Variants in RHPN2 observed in about 807,000 individuals in gnomAD.
The protein encoded by RHPN2 is rhophilin-2.
A neutral mutation model predicts 79.0 loss-of-function variants in RHPN2; 40 were observed. The observed-to-expected ratio is 0.51, with a 90% CI of 0.39 to 0.66. The LOEUF (loss-of-function observed/expected upper bound fraction) is 0.66. Among genes scored for constraint, RHPN2 ranks in the 30% least tolerant of loss-of-function variants. The pLI, the probability that RHPN2 is intolerant of heterozygous loss-of-function variation, is 0.00. For missense variants in RHPN2, 686 were observed against 883.5 expected (o/e 0.78, Z 2.83); for synonymous variants, 285 against 363.5 (o/e 0.78, Z 2.46).
At chr19:33,064,579 G>A (rs1972310729) in intron 1 of RHPN2, among the ~76,000 whole-genome samples, 1 of 151,978 alleles carries the variant, frequency 6.6e-6, no homozygotes, top group African/African-American at 2.4e-5. Flanking sequence ...GCCCAGTCCC[G>A]GATGCCACCT....
chr19:33,031,817 G>A (rs530863505), intron 2 of RHPN2, among the ~76,000 whole-genome samples: 13 of 151,608 alleles, frequency 8.6e-5, no homozygotes, highest in African/African-American at 3.1e-4. Context: ...GAGTAGCTGG[G>A]ACAGTGATTC....
intron 2 of RHPN2, among the ~76,000 whole-genome samples, chr19:33,037,176 G>C (rs1370765539): frequency 1.3e-5 from 2 of 152,208 alleles, no homozygotes. Context: ...TCAGCACCCT[G>C]TGTCTAGCTC....
chr19:33,011,601 G>T (rs1971835712), intron 6 of RHPN2, 78 bp downstream of exon 6: 1 of 1,594,286 alleles, frequency 6.3e-7, no homozygotes, highest in African/African-American at 1.3e-5. Context: ...ACCCGCAGAG[G>T]GGCGTCTGTG....
intron 11 of RHPN2, among the ~76,000 whole-genome samples, chr19:32,994,279 C>T (rs899947081): frequency 2.0e-5 from 3 of 151,890 alleles, no homozygotes; most frequent in Admixed American, 6.6e-5. Context: ...GACTGTAATC[C>T]GAGTTACTTG....
intron 3 of RHPN2, among the ~76,000 whole-genome samples, chr19:33,025,385 G>A (rs997776152): frequency 4.0e-5 from 6 of 151,754 alleles, no homozygotes; most frequent in African/African-American, 1.5e-4. Flanking sequence ...AGGTGGCTGA[G>A]GCACAAGAAT....
intron 4 of RHPN2, among the ~76,000 whole-genome samples, chr19:33,016,608 G>T (rs949646229): frequency 6.6e-6 from 1 of 152,122 alleles, no homozygotes; most frequent in Non-Finnish European, 1.5e-5. Flanking sequence ...TTGAACCTGG[G>T]AGGCAGAGGT....
intron 10 of RHPN2, 113 bp from the exon 11 acceptor site, chr19:32,996,333 A>G (rs2146005607): frequency 9.1e-7 from 1 of 1,099,572 alleles, no homozygotes; most frequent in Middle Eastern, 2.5e-4. Context: ...ATCTGCCTGG[A>G]TAGCTAGAGC....
chr19:33,050,020 TG>T (rs1972174383), intron 1 of RHPN2, among the ~76,000 whole-genome samples: 1 of 152,180 alleles, frequency 6.6e-6, no homozygotes, highest in East Asian at 1.9e-4. Flanking sequence ...GATGGCCTGG[TG>T]GGGGGCAGGG....
chr19:33,012,722 A>T lies in RHPN2; in HGVS notation c.393T>A (p.Asp131Glu). The change falls in exon 5 of 15, where the codon GAT becomes GAA. Residue 131 changes from aspartate (D) to glutamate (E), a missense_variant and splice_region_variant. Physicochemically the swap from Asp to Glu is conservative, Grantham distance 45. Coordinates refer to ENST00000254260, the MANE Select transcript of RHPN2 (RefSeq NM_033103.5). ...CTTCACTGTAATGTTCCAGGATAAA[A>T]TCCTTAAAGAAAAATGAGGTCAGAT... ...KDVDFAVVLK[D>E]FILEHYSEDG... 2.5e-6 allele frequency: 4 copies of T among 1,573,516 alleles called. No homozygotes were observed. Among genetic ancestry groups the T allele is most frequent in the Non-Finnish European group, 3.5e-6 (4 of 1,143,038 alleles).
intron 2 of RHPN2, among the ~76,000 whole-genome samples, chr19:33,037,355 C>G (rs1028182916): frequency 6.6e-6 from 1 of 152,134 alleles, no homozygotes; most frequent in African/African-American, 2.4e-5. Context: ...CAAAACAGAC[C>G]ACTGGGCTCT....
chr19:33,063,111 C>A (rs918960687), intron 1 of RHPN2, among the ~76,000 whole-genome samples: 2 of 152,126 alleles, frequency 1.3e-5, no homozygotes, highest in Non-Finnish European at 2.9e-5. Flanking sequence ...GGCAGTCAGG[C>A]CCCGGGGCCC....
chr19:33,015,556 T>C (rs1423158786), intron 4 of RHPN2, among the ~76,000 whole-genome samples: 2 of 151,944 alleles, frequency 1.3e-5, no homozygotes, highest in African/African-American at 2.4e-5. Context: ...ATAAGAGACA[T>C]AAAATATTAG....
intron 14 of RHPN2, among the ~76,000 whole-genome samples, chr19:32,987,592 C>T (rs1465871712): frequency 1.3e-5 from 2 of 152,224 alleles, no homozygotes; most frequent in African/African-American, 4.8e-5. Flanking sequence ...TCTCTGAACT[C>T]TCCTCCATTT....
rs1349478773 is a variant in RHPN2 at position 33,002,267 on chromosome 19, A to C, written c.1085T>G (p.Ile362Ser). 1 of 1,613,210 alleles carries C rather than the reference A, an allele frequency of 6.2e-7. No homozygotes were observed. The highest frequency in any genetic ancestry group is 8.5e-7 in the Non-Finnish European group (1 of 1,179,842). The change falls in exon 9 of 15, where the codon ATC becomes AGC. Residue 362 changes from isoleucine (I) to serine (S), a missense_variant. Ile to Ser is a moderately radical substitution (Grantham distance 142). Transcript: ENST00000254260. The stretch of plus-strand genomic sequence containing the variant: ...CTTACCCTGGTGGTCGATGAGGAGG[A>C]TGGCAGTGAAGTAGTGGGCCAGGGC... ...YAALAHYFTAILLIDHQVKPG... is the reference protein window; with the variant it reads ...YAALAHYFTASLLIDHQVKPG...
chr19:33,032,320 T>C (rs1972020080), intron 2 of RHPN2, among the ~76,000 whole-genome samples: 1 of 152,116 alleles, frequency 6.6e-6, no homozygotes. Flanking sequence ...ACCAGCCTAA[T>C]GCAGGGTTTA....
rs1299853041 is a variant in RHPN2, at chr19:33,026,494, T to C, written c.314+10A>G. ...CAGAGGCTTTTGGAAGGTGTGCTGC[T>C]CCCACTTACTCTGTGTTCTGATAGA... On this transcript the variant is annotated intron_variant, in intron 3 of 14. Transcript: ENST00000254260. 6.2e-7 allele frequency: 1 copy of C among 1,607,318 alleles called. No homozygotes were observed. The highest frequency in any genetic ancestry group is 1.7e-5 in the Admixed American group (1 of 59,882).
intron 7 of RHPN2, among the ~76,000 whole-genome samples, chr19:33,004,380 ATGG>A: frequency 1.3e-5 from 2 of 152,216 alleles, no homozygotes; most frequent in East Asian, 3.9e-4. Context: ...TTTAGTGGTA[ATGG>A]CTGCACAACA....
intron 7 of RHPN2, among the ~76,000 whole-genome samples, chr19:33,007,131 T>C (rs1971797873): frequency 6.6e-6 from 1 of 152,138 alleles, no homozygotes; most frequent in Non-Finnish European, 1.5e-5. Flanking sequence ...AATGCATCAC[T>C]TGACAAAGGG....
rs1188883261 is a variant in RHPN2, at chr19:32,979,705, C to T, written c.*291G>A. On this transcript the variant is annotated 3_prime_UTR_variant, in exon 15 of 15. Coordinates refer to ENST00000254260, the MANE Select transcript of RHPN2 (RefSeq NM_033103.5). ...AGTGACTAAAAGTCATAATTGTCAC[C>T]ATTAAAAATAGCCATATTTCATATC... is the stretch of plus-strand genomic sequence containing the variant. 3 of 384,412 alleles carry T rather than the reference C, an allele frequency of 7.8e-6. No individual in the cohort carries two copies. The highest frequency in any genetic ancestry group is 9.5e-6 in the Non-Finnish European group (2 of 209,982). 23.8% of individuals were successfully genotyped at this position (384,412 alleles called of 1,614,324 possible).
Sources: gnomAD v4.1 joint callset for allele counts (sites outside exome capture counted in the v4.1 genomes callset) on GRCh38, gnomAD v4.1.1 for gene constraint, MANE v1.5 for transcripts, NCBI Gene and HGNC (gene_info 2026-07-23, HGNC 2026-07-21) for gene names.